TRAPPC9: variants seen among roughly 807,000 people sequenced by gnomAD.
The protein encoded by TRAPPC9 is trafficking protein particle complex subunit 9.
A neutral mutation model predicts 124.0 loss-of-function variants in TRAPPC9; 83 were observed. The ratio of observed to expected loss-of-function variants is 0.67; its 90% CI spans 0.56 to 0.80. The LOEUF is 0.80. TRAPPC9 is among the 30% of genes least tolerant of loss of function. TRAPPC9 has a pLI of 0.00. For missense variants in TRAPPC9, 1,302 were observed against 1,508.3 expected (o/e 0.86, Z 2.27); for synonymous variants, 638 against 617.5 (o/e 1.03, Z -0.49).
chr8:140,013,768 G>C (rs1839283087), intron 18 of TRAPPC9, among the ~76,000 whole-genome samples: 1 of 152,194 alleles, frequency 6.6e-6, no homozygotes, highest in African/African-American at 2.4e-5. Flanking sequence ...TATCTGCCTT[G>C]TGTCAGGCAC....
At chr8:140,114,861 A>T (rs1563772145) in intron 17 of TRAPPC9, among the ~76,000 whole-genome samples, 1 of 152,212 alleles carries the variant, frequency 6.6e-6, no homozygotes, top group South Asian at 2.1e-4. Flanking sequence ...GAGTAATAAC[A>T]TAGGACTCAA....
intron 21 of TRAPPC9, among the ~76,000 whole-genome samples, chr8:139,787,086 A>G (rs1822307561): frequency 6.6e-6 from 1 of 152,238 alleles, no homozygotes; most frequent in Non-Finnish European, 1.5e-5. Flanking sequence ...TGAGTCAGTC[A>G]TGGCACACCA....
chr8:140,065,417 A>C (rs1842855018), intron 17 of TRAPPC9, among the ~76,000 whole-genome samples: 1 of 152,230 alleles, frequency 6.6e-6, no homozygotes, highest in Admixed American at 6.5e-5. Flanking sequence ...CAGTGTAGGT[A>C]AAACAGCCTT....
intron 17 of TRAPPC9, among the ~76,000 whole-genome samples, chr8:140,153,834 C>T (rs909143684): frequency 2.0e-5 from 3 of 152,208 alleles, no homozygotes; most frequent in Non-Finnish European, 4.4e-5. Context: ...CCAGGATCTG[C>T]CCTGAGCCCA....
intron 19 of TRAPPC9, among the ~76,000 whole-genome samples, chr8:139,915,897 T>C (rs186676942): frequency 1.3e-3 from 194 of 152,332 alleles, no homozygotes; most frequent in African/African-American, 3.8e-3. Context: ...GCATACTTGT[T>C]GGGTCACTGG....
At chr8:139,874,018 AG>A (rs1332851149) in intron 21 of TRAPPC9, among the ~76,000 whole-genome samples, 1 of 152,232 alleles carries the variant, frequency 6.6e-6, no homozygotes, top group Non-Finnish European at 1.5e-5. Context: ...TCTTCTCGGC[AG>A]GAGCATGGGT....
chr8:139,762,096 C>A (rs958525450), intron 21 of TRAPPC9, among the ~76,000 whole-genome samples: 1 of 151,796 alleles, frequency 6.6e-6, no homozygotes, highest in Non-Finnish European at 1.5e-5. Flanking sequence ...CTCTGAGCCA[C>A]CCAGCCCTGC....
At chr8:140,158,628 T>C (rs1398226145) in intron 17 of TRAPPC9, among the ~76,000 whole-genome samples, 5 of 152,272 alleles carry the variant, frequency 3.3e-5, no homozygotes, top group Admixed American at 6.5e-5. Flanking sequence ...TTTAAATGTT[T>C]ATTTTAAAAT....
intron 21 of TRAPPC9, among the ~76,000 whole-genome samples, chr8:139,756,710 G>GT (rs1819831641): frequency 7.7e-6 from 1 of 129,486 alleles, no homozygotes. Flanking sequence ...AGGCTTTGGG[G>GT]ATGAGGACAG....
Position 139,926,003 on chromosome 8 carries a change from G to A in TRAPPC9, c.2811-15703C>T, listed in dbSNP as rs528505962. The stretch of plus-strand genomic sequence containing the variant: ...GGTGTGCTGCAGCTAGCTGGTTCCC[G>A]CTCCCAGGAGCCAACTGTTAGCATC... On this transcript the variant is annotated intron_variant, in intron 19 of 22. Coordinates refer to ENST00000438773, the MANE Select transcript of TRAPPC9 (RefSeq NM_001160372.4). 5.4e-4 allele frequency among the ~76,000 whole-genome samples: 82 copies of A among 152,296 alleles called. No individual in the cohort carries two copies. The South Asian group carries it at 0.015, about 28-fold the overall frequency.
intron 12 of TRAPPC9, among the ~76,000 whole-genome samples, chr8:140,288,716 G>A (rs949899494): frequency 2.6e-5 from 4 of 152,136 alleles, no homozygotes; most frequent in Non-Finnish European, 5.9e-5. Context: ...AAAAAAAGGC[G>A]TTATTTCTAT....
chr8:139,872,028 TTGGATAAGTGGATGGA>T (rs1828935864), intron 21 of TRAPPC9, among the ~76,000 whole-genome samples: 1 of 151,158 alleles, frequency 6.6e-6, no homozygotes. Context: ...GGGTAAATGG[TTGGATAAGTGGATGGA>T]TGGATGGATG....
At chr8:139,785,099 T>A (rs1235754571) in intron 21 of TRAPPC9, among the ~76,000 whole-genome samples, 1 of 152,144 alleles carries the variant, frequency 6.6e-6, no homozygotes, top group Non-Finnish European at 1.5e-5. Flanking sequence ...TAAAACAGAA[T>A]AAATAGTCCA....
chr8:139,858,881 C>G (rs760467036), intron 21 of TRAPPC9, among the ~76,000 whole-genome samples: 1 of 150,368 alleles, frequency 6.7e-6, no homozygotes, highest in Non-Finnish European at 1.5e-5. Flanking sequence ...CCTTTAAACA[C>G]GCCTCGCATA....
At chr8:139,799,367 G>T (rs918662356) in intron 21 of TRAPPC9, among the ~76,000 whole-genome samples, 9 of 152,150 alleles carry the variant, frequency 5.9e-5, no homozygotes, top group African/African-American at 2.2e-4. Context: ...ACACGATCCA[G>T]AGATGAGGAC....
At chr8:140,124,292 C>T (rs1189344192) in intron 17 of TRAPPC9, among the ~76,000 whole-genome samples, 5 of 152,162 alleles carry the variant, frequency 3.3e-5, no homozygotes, top group Non-Finnish European at 7.4e-5. Context: ...TTTCTGGAGG[C>T]TGCCTGCTCT....
intron 21 of TRAPPC9, among the ~76,000 whole-genome samples, chr8:139,796,799 T>C (rs1823132040): frequency 7.2e-5 from 11 of 152,232 alleles, no homozygotes; most frequent in Admixed American, 7.2e-4. Flanking sequence ...GGTAACTTTA[T>C]GTTTAACTTT....
At chr8:140,002,334 A>C (rs144799078) in intron 18 of TRAPPC9, among the ~76,000 whole-genome samples, 2 of 152,256 alleles carry the variant, frequency 1.3e-5, no homozygotes, top group South Asian at 2.1e-4. Context: ...GACCTACATA[A>C]ACAGAAGTAT....
At chr8:140,324,751 C>T (rs1014506728) in intron 9 of TRAPPC9, among the ~76,000 whole-genome samples, 2 of 152,148 alleles carry the variant, frequency 1.3e-5, no homozygotes, top group East Asian at 1.9e-4. Flanking sequence ...GCCTGAGCAA[C>T]AGAGGGACAC....
Sources: gnomAD v4.1 joint callset for allele counts (sites outside exome capture counted in the v4.1 genomes callset) on GRCh38, gnomAD v4.1.1 for gene constraint, MANE v1.5 for transcripts, NCBI Gene and HGNC (gene_info 2026-07-23, HGNC 2026-07-21) for gene names.